SPOCK1: variants seen among roughly 807,000 people sequenced by gnomAD.
The protein encoded by SPOCK1 is testican-1.
In SPOCK1, 23 loss-of-function variants were observed where a neutral mutation model predicts 55.3. The ratio of observed to expected loss-of-function variants is 0.42; its 90% CI spans 0.30 to 0.59. The LOEUF is 0.59. Among genes scored for constraint, SPOCK1 ranks in the 20% least tolerant of loss-of-function variants. SPOCK1 has a pLI of 0.22. For synonymous variants in SPOCK1, 226 were observed against 221.0 expected (o/e 1.02, Z -0.20); for missense variants, 499 against 552.5 (o/e 0.90, Z 0.97).
intron 2 of SPOCK1, among the ~76,000 whole-genome samples, chr5:137,328,679 G>A (rs1758118860): frequency 6.6e-6 from 1 of 152,166 alleles, no homozygotes; most frequent in African/African-American, 2.4e-5. Context: ...ACAATCCTAA[G>A]GAGCAGGTGC....
chr5:137,076,247 T>G (rs939666636), intron 5 of SPOCK1, among the ~76,000 whole-genome samples: 3 of 152,224 alleles, frequency 2.0e-5, no homozygotes, highest in Non-Finnish European at 4.4e-5. Context: ...CTCCTGCCTC[T>G]GTGCCCCAGG....
At chr5:137,332,977 A>G (rs1259639720) in intron 2 of SPOCK1, among the ~76,000 whole-genome samples, 1 of 152,202 alleles carries the variant, frequency 6.6e-6, no homozygotes, top group Non-Finnish European at 1.5e-5. Context: ...AGTGGCACAG[A>G]TTGATAGATG....
At chr5:137,107,798 G>C (rs1210383276) in intron 5 of SPOCK1, among the ~76,000 whole-genome samples, 1 of 152,170 alleles carries the variant, frequency 6.6e-6, no homozygotes, top group Non-Finnish European at 1.5e-5. Flanking sequence ...AAGATGCTCA[G>C]GTTTCTTCTT....
intron 2 of SPOCK1, among the ~76,000 whole-genome samples, chr5:137,358,488 A>AGGGGAGGAGGGG: frequency 8.1e-6 from 1 of 122,980 alleles, no homozygotes; most frequent in South Asian, 3.3e-4. Context: ...GGGAGGATGG[A>AGGGGAGGAGGGG]AGGAGGGAAA....
At chr5:137,152,540 A>C (rs1754337678) in intron 3 of SPOCK1, among the ~76,000 whole-genome samples, 1 of 152,240 alleles carries the variant, frequency 6.6e-6, no homozygotes, top group African/African-American at 2.4e-5. Flanking sequence ...ATAGCAATAA[A>C]TACTGATCAC....
At chr5:137,000,058 T>C (rs1751120371) in intron 6 of SPOCK1, among the ~76,000 whole-genome samples, 1 of 152,122 alleles carries the variant, frequency 6.6e-6, no homozygotes, top group African/African-American at 2.4e-5. Context: ...GAAGCAAATA[T>C]GAAAACAATC....
intron 5 of SPOCK1, among the ~76,000 whole-genome samples, chr5:137,070,631 C>G (rs1249946291): frequency 6.6e-6 from 1 of 152,218 alleles, no homozygotes; most frequent in African/African-American, 2.4e-5. Context: ...TCATCCTAAA[C>G]CATCCTTTAC....
Position 136,978,815 on chromosome 5 carries a change from C to T in SPOCK1, c.1159G>A (p.Gly387Ser). ...EEEQETSGDF[G>S]SGGSVVLLDD... Reference sequence around the variant, plus strand: ...AGCAGGACCACGGACCCACCACTGCCAAAATCCCCTGAGGTTTCCTGCTCC... The same window carrying T: ...AGCAGGACCACGGACCCACCACTGCTAAAATCCCCTGAGGTTTCCTGCTCC... Residue 387 changes from glycine (G) to serine (S), a missense_variant, in exon 11 of 11, where the codon GGC becomes AGC. By Grantham distance (56) the Gly-to-Ser change is moderately conservative. Coordinates refer to ENST00000394945, the MANE Select transcript of SPOCK1 (RefSeq NM_004598.4). 1.2e-6 allele frequency: 2 copies of T among 1,612,414 alleles called. No individual in the cohort carries two copies. Among genetic ancestry groups the T allele is most frequent in the Non-Finnish European group, 1.7e-6 (2 of 1,179,352 alleles).
At chr5:137,076,436 A>T (rs1752761762) in intron 5 of SPOCK1, among the ~76,000 whole-genome samples, 1 of 152,182 alleles carries the variant, frequency 6.6e-6, no homozygotes, top group African/African-American at 2.4e-5. Context: ...AGAGATTGAA[A>T]GTGCATTTAA....
intron 2 of SPOCK1, among the ~76,000 whole-genome samples, chr5:137,299,960 G>A (rs1757556328): frequency 6.6e-6 from 1 of 152,078 alleles, no homozygotes; most frequent in South Asian, 2.1e-4. Context: ...TTTAGGAAAT[G>A]TTAGGCCATT....
chr5:137,417,558 C>A (rs1034908626), intron 2 of SPOCK1, among the ~76,000 whole-genome samples: 2 of 152,082 alleles, frequency 1.3e-5, no homozygotes, highest in African/African-American at 4.8e-5. Context: ...TCCAGGCACT[C>A]ACTGATCTCA....
chr5:137,492,276 G>A (rs562042780), intron 2 of SPOCK1, among the ~76,000 whole-genome samples: 90 of 152,234 alleles, frequency 5.9e-4, no homozygotes, highest in Non-Finnish European at 8.5e-4. Context: ...GCCTAACGCC[G>A]GGAAATCTGA....
rs540947093 is a variant in SPOCK1 at position 137,458,061 on chromosome 5, T to C, written c.186+40312A>G. Among the ~76,000 whole-genome samples, 173 of 152,342 alleles carry C rather than the reference T, an allele frequency of 1.1e-3. 1 individual carries two copies. The highest frequency in any genetic ancestry group is 4.0e-3 in the African/African-American group (168 of 41,584). On this transcript the variant is annotated intron_variant, in intron 2 of 10. Transcript: ENST00000394945. ...TTCTTTATGGACGACAACATCATCA[T>C]TCCAGTAAGCTCTCGTTCTAGGTTA...
At chr5:137,079,051 G>A (rs762385263) in intron 5 of SPOCK1, among the ~76,000 whole-genome samples, 2 of 152,068 alleles carry the variant, frequency 1.3e-5, no homozygotes, top group Admixed American at 6.5e-5. Flanking sequence ...CGGTCTCCTC[G>A]GCCATGTCCC....
At chr5:136,993,598 C>A (rs1354505831) in intron 6 of SPOCK1, among the ~76,000 whole-genome samples, 39 of 152,160 alleles carry the variant, frequency 2.6e-4, no homozygotes, top group Admixed American at 2.4e-3. Flanking sequence ...AAGAACAGAG[C>A]CCCACATCTG....
In SPOCK1 at chr5:137,390,072, T is replaced by C. The variant is rs142503014; in HGVS notation, c.186+108301A>G. Among the ~76,000 whole-genome samples the C allele has an allele frequency of 3.2e-3, 494 of 152,296 alleles. 4 individuals are homozygous for C. The highest frequency in any genetic ancestry group is 0.011 in the African/African-American group (459 of 41,568). On this transcript the variant is annotated intron_variant, in intron 2 of 10. Transcript: ENST00000394945. The stretch of plus-strand genomic sequence containing the variant: ...TCTTGCTCTGACATAAAAATTCCCA[T>C]GTCTTTGTCCTATGTTCCCTACTAA...
chr5:137,405,704 G>T (rs1752083431), intron 2 of SPOCK1, among the ~76,000 whole-genome samples: 1 of 152,148 alleles, frequency 6.6e-6, no homozygotes, highest in South Asian at 2.1e-4. Context: ...GAGGGCAAGG[G>T]AAAGAGAAAA....
intron 2 of SPOCK1, among the ~76,000 whole-genome samples, chr5:137,403,431 C>CA (rs1428757167): frequency 6.6e-6 from 1 of 152,050 alleles, no homozygotes; most frequent in Non-Finnish European, 1.5e-5. Flanking sequence ...GGTAAACAAA[C>CA]AAACAAAAAA....
chr5:137,317,311 C>T (rs1380521506), intron 2 of SPOCK1, among the ~76,000 whole-genome samples: 1 of 152,226 alleles, frequency 6.6e-6, no homozygotes, highest in East Asian at 1.9e-4. Flanking sequence ...GAAGCCTTTT[C>T]TTCCTTGTTC....
Sources: gnomAD v4.1 joint callset for allele counts (sites outside exome capture counted in the v4.1 genomes callset) on GRCh38, gnomAD v4.1.1 for gene constraint, MANE v1.5 for transcripts, NCBI Gene and HGNC (gene_info 2026-07-23, HGNC 2026-07-21) for gene names.